The following TNR variants were observed in gnomAD, a reference collection of about 807,000 sequenced individuals.
TNR encodes tenascin R.
In TNR, 45 loss-of-function variants were observed where a neutral mutation model predicts 150.4. The ratio of observed to expected loss-of-function variants is 0.30; its 90% CI spans 0.24 to 0.38. The LOEUF (loss-of-function observed/expected upper bound fraction) is 0.38. TNR is among the 10% of genes least tolerant of loss of function. TNR has a pLI of 1.00. For missense variants in TNR, 1,544 were observed against 1,759.1 expected, an observed-to-expected ratio of 0.88 and a Z score of 2.19; for synonymous variants, 687 against 678.4, an observed-to-expected ratio of 1.01 and a Z score of -0.20.
intron 2 of TNR, among the ~76,000 whole-genome samples, chr1:175,439,070 A>G (rs550057832): frequency 6.6e-6 from 1 of 152,360 alleles, no homozygotes; most frequent in African/African-American, 2.4e-5. Flanking sequence ...TTGCAAAGTC[A>G]ATCCTAAGCC....
chr1:175,577,959 C>G (rs1662190257), intron 1 of TNR, among the ~76,000 whole-genome samples: 2 of 152,190 alleles, frequency 1.3e-5, no homozygotes, highest in Admixed American at 6.5e-5. Context: ...TTTCACCTCC[C>G]TGAACCTCGG....
intron 1 of TNR, among the ~76,000 whole-genome samples, chr1:175,640,308 C>T (rs1042218803): frequency 2.0e-5 from 3 of 152,200 alleles, no homozygotes; most frequent in African/African-American, 7.2e-5. Context: ...ACATTGAGCA[C>T]ATCCTTTCAG....
intron 18 of TNR, among the ~76,000 whole-genome samples, chr1:175,344,413 C>G (rs1328549572): frequency 6.6e-6 from 1 of 152,100 alleles, no homozygotes; most frequent in African/African-American, 2.4e-5. Context: ...AGGTATTTTC[C>G]TTTTGATCCA....
intron 2 of TNR, among the ~76,000 whole-genome samples, chr1:175,449,366 A>G (rs866087333): frequency 4.3e-4 from 65 of 152,218 alleles, no homozygotes; most frequent in African/African-American, 1.4e-3. Context: ...CCAGGGTACC[A>G]CAGGCTCTGA....
intron 4 of TNR, among the ~76,000 whole-genome samples, chr1:175,400,133 A>T (rs576126599): frequency 6.6e-6 from 1 of 152,366 alleles, no homozygotes; most frequent in South Asian, 2.1e-4. Flanking sequence ...AGATGTGGAC[A>T]AATGGTTGAA....
At chr1:175,728,934 G>A (rs1331468730) in intron 1 of TNR, among the ~76,000 whole-genome samples, 8 of 152,150 alleles carry the variant, frequency 5.3e-5, no homozygotes, top group Admixed American at 4.6e-4. Context: ...CCAAGCTCCC[G>A]AGCTAATGAG....
intron 1 of TNR, among the ~76,000 whole-genome samples, chr1:175,685,985 G>A (rs753125006): frequency 2.0e-5 from 3 of 151,904 alleles, no homozygotes; most frequent in African/African-American, 4.8e-5. Context: ...AAGCATTATG[G>A]CTCCTTTTGC....
At chr1:175,429,910 C>T (rs1406108363) in intron 2 of TNR, among the ~76,000 whole-genome samples, 1 of 152,048 alleles carries the variant, frequency 6.6e-6, no homozygotes, top group Non-Finnish European at 1.5e-5. Flanking sequence ...CTGAGTTTTC[C>T]CTCATGACAG....
intron 2 of TNR, among the ~76,000 whole-genome samples, chr1:175,526,522 G>A (rs765221362): frequency 5.9e-5 from 9 of 152,208 alleles, no homozygotes; most frequent in Non-Finnish European, 1.0e-4. Flanking sequence ...ACGGGAGAAA[G>A]TAGTACGGTA....
chr1:175,657,420 G>A, intron 1 of TNR, among the ~76,000 whole-genome samples: 1 of 152,084 alleles, frequency 6.6e-6, no homozygotes, highest in Non-Finnish European at 1.5e-5. Flanking sequence ...CCATTACTGG[G>A]TATATACCCA....
chr1:175,523,082 A>G (rs2102171646), intron 2 of TNR, among the ~76,000 whole-genome samples: 1 of 152,252 alleles, frequency 6.6e-6, no homozygotes, highest in Middle Eastern at 3.4e-3. Flanking sequence ...TAGACAGCAT[A>G]TTTCTCAATA....
intron 3 of TNR, among the ~76,000 whole-genome samples, chr1:175,405,494 G>A (rs1027146975): frequency 4.1e-4 from 62 of 152,274 alleles, no homozygotes; most frequent in Non-Finnish European, 1.3e-4. Flanking sequence ...TAGGGGGTGG[G>A]CAATGTTAGA....
In TNR at chr1:175,673,749, C is replaced by T. The variant is rs117616323; in HGVS notation, c.-165+69477G>A. 4.0e-3 allele frequency among the ~76,000 whole-genome samples: 615 copies of T among 152,264 alleles called. 13 individuals are homozygous for T. The East Asian group carries it at 0.053, about 13-fold the overall frequency. On this transcript the variant is annotated intron_variant, in intron 1 of 22. Coordinates refer to ENST00000367674, the MANE Select transcript of TNR (RefSeq NM_003285.3). ...GGTCAGATTTTAAGATCTGCTGGTA[C>T]GGGAGGGTAGAATTAGAAAGAACTG...
chr1:175,456,744 G>C (rs1656590306), intron 2 of TNR, among the ~76,000 whole-genome samples: 1 of 152,084 alleles, frequency 6.6e-6, no homozygotes. Flanking sequence ...ACATCTCTTA[G>C]TATCATAAAT....
intron 1 of TNR, among the ~76,000 whole-genome samples, chr1:175,689,769 G>A (rs1042577120): frequency 2.0e-5 from 3 of 152,058 alleles, no homozygotes; most frequent in Non-Finnish European, 4.4e-5. Context: ...GAGGGGTGAG[G>A]GAAGACTGCA....
At chr1:175,622,062 A>G (rs1663994957) in intron 1 of TNR, among the ~76,000 whole-genome samples, 1 of 152,260 alleles carries the variant, frequency 6.6e-6, no homozygotes, top group South Asian at 2.1e-4. Context: ...CATGTAAAGC[A>G]CTAAGCAGAG....
At chr1:175,359,127 TG>T (rs1172627545) in intron 15 of TNR, among the ~76,000 whole-genome samples, 1 of 144,232 alleles carries the variant, frequency 6.9e-6, no homozygotes, top group African/African-American at 2.7e-5. Context: ...TTGCAGAGTT[TG>T]GGGATATCTT....
chr1:175,346,837 C>A (rs1650809824), intron 18 of TNR, among the ~76,000 whole-genome samples: 1 of 151,108 alleles, frequency 6.6e-6, no homozygotes, highest in South Asian at 2.1e-4. Flanking sequence ...TAACAATGTG[C>A]CCAGGTGGTT....
At chr1:175,618,334 C>A (rs1571681790) in intron 1 of TNR, among the ~76,000 whole-genome samples, 2 of 152,168 alleles carry the variant, frequency 1.3e-5, no homozygotes, top group South Asian at 2.1e-4. Flanking sequence ...AAAGTGATAT[C>A]ATTAGAGCCC....
Sources: allele counts gnomAD v4.1 joint callset (sites outside exome capture counted in the v4.1 genomes callset), GRCh38; gene constraint gnomAD v4.1.1; transcripts MANE v1.5; gene names NCBI Gene and HGNC (gene_info 2026-07-23, HGNC 2026-07-21).